The following PDE9A variants were observed in gnomAD, a reference collection of about 807,000 sequenced individuals.
PDE9A encodes high affinity cGMP-specific 3',5'-cyclic phosphodiesterase 9A.
In PDE9A, 60 loss-of-function variants were observed where a neutral mutation model predicts 87.4. That is an observed-to-expected ratio of 0.69 (90% CI 0.56 to 0.85). The LOEUF is 0.85. Ranked by LOEUF, PDE9A falls within the 40% of genes least tolerant of loss-of-function variation. The probability of loss-of-function intolerance (pLI) is 0.00; values close to 1 mark genes in which losing one functional copy is unlikely to be tolerated. For missense variants in PDE9A, 665 were observed against 779.0 expected, an observed-to-expected ratio of 0.85 and a Z score of 1.74; for synonymous variants, 272 against 279.4, an observed-to-expected ratio of 0.97 and a Z score of 0.27.
At chr21:42,726,624 A>ATATATATATATATATTTTTTTTT in intron 4 of PDE9A, among the ~76,000 whole-genome samples, 4 of 19,774 alleles carry the variant, frequency 2.0e-4, no homozygotes, top group Admixed American at 8.2e-4. Flanking sequence ...ATATATATAT[A>ATATATATATATATATTTTTTTTT]TTTTTTTTTT....
At chr21:42,725,478 A>T (rs2050939462) in intron 4 of PDE9A, among the ~76,000 whole-genome samples, 2 of 152,068 alleles carry the variant, frequency 1.3e-5, no homozygotes, top group South Asian at 4.2e-4. Context: ...ACCTCTGGTG[A>T]TCCACCCACC....
chr21:42,760,953 G>C lies in PDE9A; in HGVS notation c.1085+46G>C. On this transcript the variant is annotated intron_variant, in intron 13 of 19. Coordinates refer to ENST00000291539, the MANE Select transcript of PDE9A (RefSeq NM_002606.3). This position sits in a 1 kb window ranked among gnomAD's most constrained non-coding sequence, Gnocchi z 5.2. Reference sequence around the variant, plus strand: ...TTTTTTCCTTTTAAAAGGCACCCTGGCTACTGGAGGGAACCTGTCAGCCCA... The same window carrying C: ...TTTTTTCCTTTTAAAAGGCACCCTGCCTACTGGAGGGAACCTGTCAGCCCA... The C allele has an allele frequency of 8.1e-7, 1 of 1,235,640 alleles. No homozygotes were observed. The highest frequency in any genetic ancestry group is 1.7e-5 in the Admixed American group (1 of 59,344). 76.5% of individuals were successfully genotyped at this position (1,235,640 alleles called of 1,614,324 possible). A position where few individuals can be genotyped will look rare whatever the true frequency, so the allele number is the denominator to read the frequency against.
chr21:42,686,141 C>T (rs2059449371), intron 1 of PDE9A, 51 bp from the exon 2 acceptor site: 2 of 1,436,046 alleles, frequency 1.4e-6, no homozygotes, highest in East Asian at 2.3e-5. Context: ...CTGACGTCTC[C>T]AGGGAGACCC....
Position 42,695,295 on chromosome 21 carries a change from C to G in PDE9A, c.219-3673C>G, listed in dbSNP as rs1037725521. The stretch of plus-strand genomic sequence containing the variant: ...CCTCCTTGGAGGGACTCTGAGCCAT[C>G]TGGTGTCATTTTCCTTTCCAATCCG... On this transcript the variant is annotated intron_variant, in intron 3 of 19. Coordinates refer to ENST00000291539, the MANE Select transcript of PDE9A (RefSeq NM_002606.3). This position sits in a 1 kb window ranked among gnomAD's most constrained non-coding sequence, Gnocchi z 4.3. Among the ~76,000 whole-genome samples the G allele has an allele frequency of 9.2e-5, 14 of 152,270 alleles. No individual in the cohort carries two copies. The highest frequency in any genetic ancestry group is 3.4e-4 in the African/African-American group (14 of 41,478).
At chr21:42,737,865 T>C (rs1464300537) in intron 7 of PDE9A, among the ~76,000 whole-genome samples, 1 of 152,372 alleles carries the variant, frequency 6.6e-6, no homozygotes, top group African/African-American at 2.4e-5. Flanking sequence ...TCCTGCTTCT[T>C]CTTAAATGTA....
chr21:42,675,444 A>T lies in PDE9A; in HGVS notation c.70-10748A>T, dbSNP rs1411849413. 6.6e-6 allele frequency among the ~76,000 whole-genome samples: 1 copy of T among 152,234 alleles called. No homozygotes were observed. Among genetic ancestry groups the T allele is most frequent in the African/African-American group, 2.4e-5 (1 of 41,452 alleles). On this transcript the variant is annotated intron_variant, in intron 1 of 19. Transcript: ENST00000291539. The surrounding 1 kb of genome is among the most constrained non-coding windows in gnomAD (Gnocchi z 4.3). ...AGATTAGATTAGATCGTCCGTGGAA[A>T]GCACCAGAATGGTGCCTGGCACTTA...
At chr21:42,701,911 T>C (rs1319993076) in intron 4 of PDE9A, among the ~76,000 whole-genome samples, 3 of 152,222 alleles carry the variant, frequency 2.0e-5, no homozygotes, top group Non-Finnish European at 4.4e-5. Context: ...CTCTGGCAAC[T>C]TAAGATGTTT....
chr21:42,690,318 G>T (rs2059743935), intron 3 of PDE9A, among the ~76,000 whole-genome samples: 1 of 152,002 alleles, frequency 6.6e-6, no homozygotes. Context: ...ATAGATAGAT[G>T]CATAGGGTGT....
At chr21:42,761,325 C>G (rs1326054112) in intron 13 of PDE9A, among the ~76,000 whole-genome samples, 1 of 152,234 alleles carries the variant, frequency 6.6e-6, no homozygotes, top group Admixed American at 6.5e-5. Context: ...AAAGCACAGG[C>G]AGGAGCCAGA....
chr21:42,711,903 T>C (rs1174283789), intron 4 of PDE9A, among the ~76,000 whole-genome samples: 1 of 152,192 alleles, frequency 6.6e-6, no homozygotes, highest in East Asian at 1.9e-4. Context: ...TCTGTTCTGC[T>C]TCATTGATCT....
In PDE9A at chr21:42,683,893, A is replaced by G. The variant is rs150797590; in HGVS notation, c.70-2299A>G. ...TGGTGCCCTTTGTGCCCAGGAGGAGAAGCACCCAGTGGGGCGGGGTGGGGC... is the reference window on the plus strand; with the variant it reads ...TGGTGCCCTTTGTGCCCAGGAGGAGGAGCACCCAGTGGGGCGGGGTGGGGC... On this transcript the variant is annotated intron_variant, in intron 1 of 19. Transcript: ENST00000291539. 1.3e-3 allele frequency among the ~76,000 whole-genome samples: 205 copies of G among 152,270 alleles called. 1 individual carries two copies. The highest frequency in any genetic ancestry group is 4.8e-3 in the African/African-American group (201 of 41,560).
intron 7 of PDE9A, among the ~76,000 whole-genome samples, chr21:42,738,765 A>G (rs2052762639): frequency 6.6e-6 from 1 of 152,124 alleles, no homozygotes; most frequent in Non-Finnish European, 1.5e-5. Flanking sequence ...GGCCCACTGC[A>G]ACCTCCACCT....
intron 8 of PDE9A, among the ~76,000 whole-genome samples, chr21:42,746,092 T>C (rs1247392300): frequency 6.6e-6 from 1 of 151,962 alleles, no homozygotes; most frequent in East Asian, 1.9e-4. Flanking sequence ...CAGGAGTGAG[T>C]GGTGAGACAG....
In PDE9A at chr21:42,746,453, G is replaced by A. The variant is rs150411642; in HGVS notation, c.653+2593G>A. ...TCTCTCTTGGCCTCTGGTGGCTGCC[G>A]GCGGCATTCTCTGCCTGCTTCTTCA... On this transcript the variant is annotated intron_variant, in intron 8 of 19. Transcript: ENST00000291539. 9.1e-3 allele frequency among the ~76,000 whole-genome samples: 1,391 copies of A among 152,288 alleles called. 21 individuals carry two copies. Among genetic ancestry groups the A allele is most frequent in the African/African-American group, 0.031 (1,307 of 41,558 alleles).
intron 3 of PDE9A, among the ~76,000 whole-genome samples, chr21:42,697,203 A>T (rs868319026): frequency 1.5e-4 from 23 of 152,046 alleles, no homozygotes; most frequent in South Asian, 4.2e-4. Context: ...CTCTCCCGAG[A>T]ACCTCAGCCT....
chr21:42,726,624 A>ATATATATATATATATATATTTTTTTTT, intron 4 of PDE9A, among the ~76,000 whole-genome samples: 2 of 19,776 alleles, frequency 1.0e-4, no homozygotes, highest in African/African-American at 3.4e-4. Context: ...ATATATATAT[A>ATATATATATATATATATATTTTTTTTT]TTTTTTTTTT....
rs1379754203 is a variant in PDE9A at position 42,772,480 on chromosome 21, G to T, written c.1728G>T (p.Glu576Asp). The T allele has an allele frequency of 5.6e-6, 9 of 1,610,520 alleles. No individual in the cohort carries two copies. The highest frequency in any genetic ancestry group is 7.6e-6 in the Non-Finnish European group (9 of 1,178,712). ...KTDSLTSGAT[E>D]KSRERSRDVK... is the part of the protein sequence containing the mutation. ...ACAGCTTGACGTCTGGGGCCACCGA[G>T]AAGTCCAGAGAGAGAAGCAGAGATG... Residue 576 changes from glutamate to aspartate, a missense_variant, in exon 19 of 20, where the codon GAG becomes GAT. Physicochemically the swap from Glu to Asp is conservative, Grantham distance 45. Transcript: ENST00000291539.
At chr21:42,670,256 C>T (rs2058377672) in intron 1 of PDE9A, among the ~76,000 whole-genome samples, 1 of 146,424 alleles carries the variant, frequency 6.8e-6, no homozygotes, top group Non-Finnish European at 1.5e-5. Context: ...CACATACATA[C>T]ATTCACACAC....
intron 19 of PDE9A, 33 bp downstream of exon 19, chr21:42,772,553 C>T (rs1269831131): frequency 8.0e-6 from 11 of 1,382,176 alleles, no homozygotes; most frequent in East Asian, 7.1e-5. Flanking sequence ...GGCATCTCAG[C>T]GCATACAATG....
Sources: gnomAD v4.1 joint callset for allele counts (sites outside exome capture counted in the v4.1 genomes callset) on GRCh38, gnomAD v4.1.1 for gene constraint, Gnocchi (gnomAD v3.1) non-coding constraint, MANE v1.5 for transcripts, NCBI Gene and HGNC (gene_info 2026-07-23, HGNC 2026-07-21) for gene names.